The following EP300 variants were observed in gnomAD, a reference collection of about 807,000 sequenced individuals.
The protein encoded by EP300 is histone acetyltransferase p300.
Under a neutral mutation model 264.0 loss-of-function variants are expected in EP300, and 31 were observed. The ratio of observed to expected loss-of-function variants is 0.12; its 90% confidence interval spans 0.09 to 0.16. The LOEUF (loss-of-function observed/expected upper bound fraction) is 0.16, where lower values mean the gene tolerates loss of function less well. Among genes scored for constraint, EP300 ranks in the 10% least tolerant of loss-of-function variants. EP300 has a pLI of 1.00. For synonymous variants in EP300, 1,340 were observed against 1,045.4 expected, an observed-to-expected ratio of 1.28 and a Z score of -5.44; for missense variants, 2,766 against 3,052.9, an observed-to-expected ratio of 0.91 and a Z score of 2.21.
At chr22:41,168,422 A>G in intron 23 of EP300, 27 bp from the exon 24 acceptor site, 1 of 1,613,942 alleles carries the variant, frequency 6.2e-7, no homozygotes, top group South Asian at 1.1e-5. Flanking sequence ...TTTGCACCTC[A>G]GTAACTTTTA....
chr22:41,158,105 A>T (rs560536310), intron 18 of EP300, among the ~76,000 whole-genome samples: 1 of 151,670 alleles, frequency 6.6e-6, no homozygotes, highest in Non-Finnish European at 1.5e-5. Flanking sequence ...CTGGTCTGGA[A>T]CTCTTGGGCT....
chr22:41,118,527 A>G (rs1345898957), intron 2 of EP300, among the ~76,000 whole-genome samples: 1 of 152,190 alleles, frequency 6.6e-6, no homozygotes, highest in Non-Finnish European at 1.5e-5. Flanking sequence ...AGTGCCTGGC[A>G]TGTAGTTCGT....
intron 3 of EP300, among the ~76,000 whole-genome samples, chr22:41,126,831 C>G (rs1428352024): frequency 7.3e-6 from 1 of 136,310 alleles, no homozygotes; most frequent in South Asian, 2.5e-4. Context: ...TGCAACTTCT[C>G]CCTCCTGGTT....
chr22:41,134,787 C>A (rs989995405), intron 6 of EP300, among the ~76,000 whole-genome samples: 1 of 152,216 alleles, frequency 6.6e-6, no homozygotes, highest in Non-Finnish European at 1.5e-5. Flanking sequence ...CTTCCTTTTA[C>A]CTCTTCTGTA....
Position 41,179,244 on chromosome 22 carries a change from G to A in EP300, c.*288G>A. 1 of 421,242 alleles carries A rather than the reference G, an allele frequency of 2.4e-6. No individual in the cohort carries two copies. The highest frequency in any genetic ancestry group is 3.9e-5 in the East Asian group (1 of 25,870). The allele number at this position is 421,242 out of a possible 1,614,324, so 26.1% of individuals were successfully genotyped here. A position where few individuals can be genotyped will look rare whatever the true frequency, so the allele number is the denominator to read the frequency against. Reference sequence around the variant, plus strand: ...CTGGGAGGAGGCTGAGGCCTGTGAAGCCAAACAATATGCTCCTGCCTTGCA... The same window carrying A: ...CTGGGAGGAGGCTGAGGCCTGTGAAACCAAACAATATGCTCCTGCCTTGCA... On this transcript the variant is annotated 3_prime_UTR_variant, in exon 31 of 31. Transcript: ENST00000263253.
intron 1 of EP300, among the ~76,000 whole-genome samples, chr22:41,107,422 TAA>T (rs35343837): frequency 2.3e-3 from 339 of 147,344 alleles, no homozygotes; most frequent in Middle Eastern, 6.9e-3. Flanking sequence ...GCCTTTTAAG[TAA>T]AAAAAAAAAA....
At chr22:41,110,739 C>T (rs1302918995) in intron 1 of EP300, among the ~76,000 whole-genome samples, 33 of 151,474 alleles carry the variant, frequency 2.2e-4, no homozygotes, top group Non-Finnish European at 5.9e-5. Context: ...TTCCAGTGGT[C>T]CTTGGGATCT....
chr22:41,165,371 C>G (rs1569114406), intron 22 of EP300, among the ~76,000 whole-genome samples: 1 of 152,172 alleles, frequency 6.6e-6, no homozygotes, highest in Non-Finnish European at 1.5e-5. Flanking sequence ...CTCTTCCCAC[C>G]CAGATTCCTC....
intron 8 of EP300, 56 bp downstream of exon 8, chr22:41,137,846 T>G (rs926036737): frequency 6.2e-7 from 1 of 1,612,098 alleles, no homozygotes; most frequent in Admixed American, 1.7e-5. Context: ...TCAACATGTT[T>G]TCAATCTCCT....
chr22:41,173,904 G>T (rs2059185193), intron 29 of EP300, 120 bp downstream of exon 29: 5 of 1,195,304 alleles, frequency 4.2e-6, no homozygotes, highest in Non-Finnish European at 6.2e-6. Flanking sequence ...CTGAGGTCAG[G>T]AGTTCAAGAC....
chr22:41,154,376 C>CTTTTTTTTTTTTTTTTTTT lies in EP300; in HGVS notation c.3143-614_3143-596dup, dbSNP rs869304891. Among the ~76,000 whole-genome samples, 376 of 61,784 alleles carry CTTTTTTTTTTTTTTTTTTT rather than the reference C, an allele frequency of 6.1e-3. 69 individuals are homozygous for CTTTTTTTTTTTTTTTTTTT. Among genetic ancestry groups the CTTTTTTTTTTTTTTTTTTT allele is most frequent in the Admixed American group, 9.4e-3 (27 of 2,880 alleles). 40.5% of individuals were successfully genotyped at this position (61,784 alleles called of 152,430 possible). A position where few individuals can be genotyped will look rare whatever the true frequency, so the allele number is the denominator to read the frequency against. On this transcript the variant is annotated intron_variant, in intron 16 of 30. Coordinates refer to ENST00000263253, the MANE Select transcript of EP300 (RefSeq NM_001429.4). The stretch of plus-strand genomic sequence containing the variant: ...TCTTAACACGAGTATCTTGTGCACT[C>CTTTTTTTTTTTTTTTTTTT]TTTTTTTTTTTTTTTTTTTTTTTGA...
At chr22:41,093,144 C>G in intron 1 of EP300, 46 bp downstream of exon 1, 1 of 1,562,580 alleles carries the variant, frequency 6.4e-7, no homozygotes, top group Non-Finnish European at 8.8e-7. Context: ...TTAATCTTTT[C>G]TACTCGGTGC....
chr22:41,145,043 A>G (rs570616831), intron 10 of EP300, among the ~76,000 whole-genome samples: 11 of 152,352 alleles, frequency 7.2e-5, no homozygotes, highest in Admixed American at 6.5e-5. Flanking sequence ...TTGGGTACTT[A>G]AAACAGTTTT....
chr22:41,137,351 T>C lies in EP300; in HGVS notation c.1623-302T>C, dbSNP rs7285761. 0.024 allele frequency among the ~76,000 whole-genome samples: 2,407 copies of C among 101,786 alleles called. 66 individuals carry two copies. The highest frequency in any genetic ancestry group is 0.073 in the African/African-American group (2,298 of 31,560). 66.8% of individuals were successfully genotyped at this position (101,786 alleles called of 152,430 possible). On this transcript the variant is annotated intron_variant, in intron 7 of 30. Transcript: ENST00000263253. Reference sequence around the variant, plus strand: ...CAGCCTGGGCAACAGAGCAAGACTTTGTCTCAAAAAAAAAAAAAAAAAAAA... The same window carrying C: ...CAGCCTGGGCAACAGAGCAAGACTTCGTCTCAAAAAAAAAAAAAAAAAAAA...
chr22:41,121,992 T>C (rs1466624091), intron 2 of EP300, among the ~76,000 whole-genome samples: 6 of 152,050 alleles, frequency 3.9e-5, no homozygotes, highest in Non-Finnish European at 8.8e-5. Flanking sequence ...GGATAAATAC[T>C]AGTAGTTTAA....
chr22:41,155,649 A>T (rs1421233565), intron 17 of EP300, among the ~76,000 whole-genome samples: 2 of 152,206 alleles, frequency 1.3e-5, no homozygotes, highest in Non-Finnish European at 2.9e-5. Context: ...ATAGCACCCC[A>T]ATCCTAGACA....
chr22:41,142,405 G>A (rs1339877259), intron 10 of EP300, among the ~76,000 whole-genome samples: 1 of 152,148 alleles, frequency 6.6e-6, no homozygotes, highest in East Asian at 1.9e-4. Flanking sequence ...GTACTGTTTT[G>A]TAATGTGTAA....
chr22:41,180,034 G>C lies in EP300; in HGVS notation c.*1078G>C. On this transcript the variant is annotated 3_prime_UTR_variant, in exon 31 of 31. Transcript: ENST00000263253. Reference sequence around the variant, plus strand: ...GATCACTGTATAGACTGTTAAATTTGATTTCTTATTACCTATTGTTAAATA... The same window carrying C: ...GATCACTGTATAGACTGTTAAATTTCATTTCTTATTACCTATTGTTAAATA... 4.3e-6 allele frequency: 1 copy of C among 230,856 alleles called. No individual in the cohort carries two copies. Among genetic ancestry groups the C allele is most frequent in the Non-Finnish European group, 8.6e-6 (1 of 116,332 alleles). The allele number at this position is 230,856 out of a possible 1,614,324, so 14.3% of individuals were successfully genotyped here. A position where few individuals can be genotyped will look rare whatever the true frequency, so the allele number is the denominator to read the frequency against.
At chr22:41,172,421 G>A (rs2145769653) in intron 27 of EP300, 78 bp from the exon 28 acceptor site, 2 of 1,306,664 alleles carry the variant, frequency 1.5e-6, no homozygotes, top group South Asian at 2.5e-5. Flanking sequence ...CATGTTTCTT[G>A]TCAGCCATGA....
Sources: gnomAD v4.1 joint callset for allele counts (sites outside exome capture counted in the v4.1 genomes callset) on GRCh38, gnomAD v4.1.1 for gene constraint, MANE v1.5 for transcripts, NCBI Gene and HGNC (gene_info 2026-07-23, HGNC 2026-07-21) for gene names.